The following BRDT variants were observed in gnomAD, a reference collection of about 807,000 sequenced individuals.
BRDT encodes the protein bromodomain testis-specific protein.
A neutral mutation model predicts 113.9 loss-of-function variants in BRDT; 77 were observed. The ratio of observed to expected loss-of-function variants is 0.68; its 90% CI spans 0.56 to 0.82. The LOEUF (loss-of-function observed/expected upper bound fraction) is 0.82. Ranked by LOEUF, BRDT falls within the 40% of genes least tolerant of loss-of-function variation. The pLI, the probability that BRDT is intolerant of heterozygous loss-of-function variation, is 0.00. For missense variants in BRDT, 1,027 were observed against 1,105.4 expected, an observed-to-expected ratio of 0.93 and a Z score of 1.01; for synonymous variants, 358 against 366.5, an observed-to-expected ratio of 0.98 and a Z score of 0.26.
At chr1:91,991,460 G>A (rs1353617080) in intron 13 of BRDT, among the ~76,000 whole-genome samples, 1 of 152,182 alleles carries the variant, frequency 6.6e-6, no homozygotes, top group African/African-American at 2.4e-5. Flanking sequence ...TAACATTTAT[G>A]TAAGCCAAAT....
At chr1:91,972,085 C>T (rs906729331) in intron 4 of BRDT, among the ~76,000 whole-genome samples, 1 of 151,834 alleles carries the variant, frequency 6.6e-6, no homozygotes, top group African/African-American at 2.4e-5. Flanking sequence ...TGATTCACCA[C>T]CAAAAACCTT....
At chr1:91,988,009 C>T (rs975720451) in intron 12 of BRDT, among the ~76,000 whole-genome samples, 2 of 152,048 alleles carry the variant, frequency 1.3e-5, no homozygotes, top group Admixed American at 6.6e-5. Context: ...GCCACCACGC[C>T]CGGCTAATTT....
At chr1:91,951,496 TA>T (rs550385867) in intron 1 of BRDT, among the ~76,000 whole-genome samples, 21 of 149,632 alleles carry the variant, frequency 1.4e-4, no homozygotes, top group South Asian at 2.1e-4. Flanking sequence ...TAGATGGAAT[TA>T]AAAAAAAAGA....
intron 4 of BRDT, 129 bp from the exon 5 acceptor site, chr1:91,976,137 C>CGGTGGTCGCTGT: frequency 1.1e-6 from 1 of 931,948 alleles, no homozygotes. Context: ...GTGTAGATTT[C>CGGTGGTCGCTGT]AAAATGAAAT....
rs780653334 is a variant in BRDT at position 92,004,614 on chromosome 1, T to C, written c.2589T>C (p.Asn863=). 5.9e-5 allele frequency: 95 copies of C among 1,601,342 alleles called. No homozygotes were observed. Among genetic ancestry groups the C allele is most frequent in the Non-Finnish European group, 7.6e-5 (89 of 1,176,588 alleles). The change falls in exon 17 of 19, where the codon AAT becomes AAC. Residue 863 remains asparagine (N), a synonymous_variant. Coordinates refer to ENST00000399546, the MANE Select transcript of BRDT (RefSeq NM_207189.4). ...AGGAACTAAAAGCATCTCAAGAAAATCAGAGGTCTGTAATTTACTGGATTA... is the reference window on the plus strand; with the variant it reads ...AGGAACTAAAAGCATCTCAAGAAAACCAGAGGTCTGTAATTTACTGGATTA... ...NTKELKASQE[N]QRDLGNGLTV... is the part of the protein sequence containing the mutation.
At chr1:91,984,656 G>C (rs1685039544) in intron 12 of BRDT, among the ~76,000 whole-genome samples, 1 of 151,942 alleles carries the variant, frequency 6.6e-6, no homozygotes, top group South Asian at 2.1e-4. Flanking sequence ...TTTTTTTTGA[G>C]ACAGGGTCTG....
intron 14 of BRDT, among the ~76,000 whole-genome samples, chr1:91,992,649 C>A (rs1685906381): frequency 6.6e-6 from 1 of 152,148 alleles, no homozygotes. Context: ...GATTCTCATG[C>A]CTCAGTCTCC....
At chr1:91,981,815 G>A in intron 12 of BRDT, 60 bp downstream of exon 12, 1 of 1,474,356 alleles carries the variant, frequency 6.8e-7, no homozygotes, top group East Asian at 2.5e-5. Context: ...CTGTAATATT[G>A]ATTTATATTT....
intron 18 of BRDT, among the ~76,000 whole-genome samples, chr1:92,010,777 G>GA (rs368445071): frequency 4.1e-4 from 62 of 152,072 alleles, no homozygotes; most frequent in African/African-American, 1.4e-3. Flanking sequence ...TTAAACTGCT[G>GA]AAAAAATGGA....
chr1:91,964,807 C>T, intron 3 of BRDT, 43 bp downstream of exon 3: 1 of 1,272,734 alleles, frequency 7.9e-7, no homozygotes, highest in Non-Finnish European at 1.0e-6. Context: ...TTTGCCATTA[C>T]ATATAGGAGA....
rs749291114 is a variant in BRDT at position 92,002,045 on chromosome 1, C to T, written c.2288-4C>T. ...TATACTATTCTAAAAATGTGTGCATCCAGGTGATTCTGAACAGCTCTCAAA... is the reference window on the plus strand; with the variant it reads ...TATACTATTCTAAAAATGTGTGCATTCAGGTGATTCTGAACAGCTCTCAAA... On this transcript the variant is annotated splice_polypyrimidine_tract_variant and splice_region_variant and intron_variant, in intron 15 of 18. Transcript: ENST00000399546. 1.3e-6 allele frequency: 2 copies of T among 1,596,636 alleles called. No homozygotes were observed. Among genetic ancestry groups the T allele is most frequent in the South Asian group, 1.1e-5 (1 of 89,654 alleles).
rs549727593 is a variant in BRDT at position 91,973,845 on chromosome 1, C to T, written c.446-2421C>T. On this transcript the variant is annotated intron_variant, in intron 4 of 18. Coordinates refer to ENST00000399546, the MANE Select transcript of BRDT (RefSeq NM_207189.4). ...ATAGGAGTGGTGAGAGAGGGCATCC[C>T]TGTCTTGTGCAAGTTTTCGAAGGGA... 7.2e-5 allele frequency among the ~76,000 whole-genome samples: 11 copies of T among 152,282 alleles called. No homozygotes were observed. The East Asian group carries it at 1.7e-3, about 24-fold the overall frequency.
chr1:91,997,151 A>C (rs1385177211), intron 15 of BRDT, among the ~76,000 whole-genome samples: 1 of 152,162 alleles, frequency 6.6e-6, no homozygotes, highest in Admixed American at 6.6e-5. Flanking sequence ...AAAGTATCAC[A>C]TACTGCAGAG....
intron 2 of BRDT, among the ~76,000 whole-genome samples, chr1:91,963,163 A>C (rs2101572832): frequency 1.3e-5 from 2 of 152,272 alleles, no homozygotes; most frequent in East Asian, 3.9e-4. Context: ...GTCTCTACTA[A>C]AAATACAAAA....
intron 17 of BRDT, 146 bp downstream of exon 17, chr1:92,004,765 C>CTT (rs1687154051): frequency 2.8e-6 from 2 of 711,426 alleles, no homozygotes; most frequent in East Asian, 6.0e-5. Context: ...ACATTTGATA[C>CTT]TTTTTCTAAG....
chr1:92,013,565 G>C (rs943900194), intron 18 of BRDT, among the ~76,000 whole-genome samples: 20 of 152,166 alleles, frequency 1.3e-4, no homozygotes, highest in Admixed American at 1.0e-3. Context: ...GTTAGAAAAG[G>C]CTTCAGAATA....
At chr1:91,961,632 G>GAC (rs1682455359) in intron 1 of BRDT, among the ~76,000 whole-genome samples, 1 of 150,166 alleles carries the variant, frequency 6.7e-6, no homozygotes, top group Non-Finnish European at 1.5e-5. Context: ...CCATCTCAGA[G>GAC]AGAGAGAGAG....
At chr1:91,993,538 G>A (rs1416008447) in intron 14 of BRDT, among the ~76,000 whole-genome samples, 1 of 152,136 alleles carries the variant, frequency 6.6e-6, no homozygotes, top group Non-Finnish European at 1.5e-5. Context: ...TTAAATAAAT[G>A]TTAGCTATTA....
intron 12 of BRDT, among the ~76,000 whole-genome samples, chr1:91,983,762 T>G (rs1684938480): frequency 6.6e-6 from 1 of 151,304 alleles, no homozygotes; most frequent in East Asian, 2.0e-4. Flanking sequence ...GATTGTGGCC[T>G]CCTCCGCCTC....
Sources: gnomAD v4.1 joint callset for allele counts (sites outside exome capture counted in the v4.1 genomes callset) on GRCh38, gnomAD v4.1.1 for gene constraint, MANE v1.5 for transcripts, NCBI Gene and HGNC (gene_info 2026-07-23, HGNC 2026-07-21) for gene names.